Variants in TRIM37 observed in about 807,000 individuals in gnomAD.
The protein encoded by TRIM37 is tripartite motif containing 37.
TRIM37 carries 80 observed loss-of-function variants against 129.8 expected under a neutral mutation model. The ratio of observed to expected loss-of-function variants is 0.62; its 90% CI spans 0.51 to 0.74. TRIM37 has a LOEUF of 0.74. TRIM37 is among the 30% of genes least tolerant of loss of function. The pLI is 0.00. For missense variants in TRIM37, 1,054 were observed against 1,176.5 expected (o/e 0.90, Z 1.52); for synonymous variants, 389 against 387.1 (o/e 1.00, Z -0.06).
rs2036085123 is a variant in TRIM37, at chr17:59,017,409, CTCT to C, written c.2270_2272del (p.Lys757del). 1.8e-5 allele frequency: 29 copies of C among 1,613,948 alleles called. No individual in the cohort carries two copies. The highest frequency in any genetic ancestry group is 2.3e-5 in the Non-Finnish European group (27 of 1,179,968). ...GGATCGAGCTGGCTTGGGCGAATTA[CTCT>C]TCTTATTTGTGGCTGCAAAGACATT... On this transcript the variant is annotated inframe_deletion, in exon 20 of 24. Coordinates refer to ENST00000262294, the MANE Select transcript of TRIM37 (RefSeq NM_015294.6).
rs2046031979 is a variant in TRIM37, at chr17:59,106,678, G to A, written c.-217C>T. On this transcript the variant is annotated 5_prime_UTR_variant, in exon 1 of 24. Coordinates refer to ENST00000262294, the MANE Select transcript of TRIM37 (RefSeq NM_015294.6). ...TTTACCGGCGCGCCCGCCCCGAGGC[G>A]CAGAAGTAGGGCGAACGGTGGCCGC... 8.1e-6 allele frequency: 5 copies of A among 620,338 alleles called. No individual in the cohort carries two copies. The highest frequency in any genetic ancestry group is 2.8e-5 in the East Asian group (1 of 36,220). The allele number at this position is 620,338 out of a possible 1,614,324, so 38.4% of individuals were successfully genotyped here. A position where few individuals can be genotyped will look rare whatever the true frequency, so the allele number is the denominator to read the frequency against.
intron 13 of TRIM37, among the ~76,000 whole-genome samples, chr17:59,055,565 G>A (rs2040777376): frequency 6.6e-6 from 1 of 151,586 alleles, no homozygotes; most frequent in South Asian, 2.1e-4. Context: ...AGATGCAGTG[G>A]CAGGCACCTG....
At chr17:59,062,171 C>A (rs1231020577) in intron 11 of TRIM37, among the ~76,000 whole-genome samples, 1 of 152,058 alleles carries the variant, frequency 6.6e-6, no homozygotes, top group African/African-American at 2.4e-5. Context: ...TATCACCAAA[C>A]ATCTTTAAAG....
Position 59,017,420 on chromosome 17 carries a change from T to C in TRIM37, c.2262A>G (p.Thr754=), listed in dbSNP as rs187769000. 1.5e-4 allele frequency: 235 copies of C among 1,613,980 alleles called. No homozygotes were observed. The African/African-American group carries it at 2.3e-3, about 16-fold the overall frequency. ...GCTTGGGCGAATTACTCTTCTTATT[T>C]GTGGCTGCAAAGACATTTAAGAACA... The part of the protein sequence containing the change: ...SVANCYIRNS[T]NKKSNSPKPA... Residue 754 remains threonine, a synonymous_variant, in exon 20 of 24, where the codon ACA becomes ACG. Coordinates refer to ENST00000262294, the MANE Select transcript of TRIM37 (RefSeq NM_015294.6).
At chr17:59,057,576 G>A (rs1333426936) in intron 12 of TRIM37, among the ~76,000 whole-genome samples, 1 of 151,888 alleles carries the variant, frequency 6.6e-6, no homozygotes, top group East Asian at 1.9e-4. Context: ...CAGGCTAGAG[G>A]GCAGTGGCGG....
chr17:59,010,867 A>C (rs1336148277), intron 22 of TRIM37, among the ~76,000 whole-genome samples: 1 of 152,122 alleles, frequency 6.6e-6, no homozygotes, highest in Non-Finnish European at 1.5e-5. Flanking sequence ...GTATGGAGAC[A>C]CATAGAAAGT....
intron 23 of TRIM37, among the ~76,000 whole-genome samples, chr17:58,999,759 G>A (rs1232740826): frequency 6.6e-6 from 1 of 152,120 alleles, no homozygotes; most frequent in African/African-American, 2.4e-5. Context: ...CTTAAAAAGG[G>A]AACAAGAAGC....
At chr17:59,103,707 G>A (rs1321924877) in intron 2 of TRIM37, among the ~76,000 whole-genome samples, 1 of 150,526 alleles carries the variant, frequency 6.6e-6, no homozygotes. Context: ...GAGTGCAGTG[G>A]CGCTCTCTCG....
the TRIM37 span, chr17:58,972,071 C>T: frequency 6.7e-7 from 1 of 1,502,310 alleles, no homozygotes; most frequent in Non-Finnish European, 9.1e-7. Context: ...AATTGCTTCT[C>T]AATAAGAATG....
chr17:59,083,874 G>A (rs1023111194), intron 5 of TRIM37, 128 bp downstream of exon 5: 32 of 771,800 alleles, frequency 4.1e-5, no homozygotes, highest in Admixed American at 2.7e-4. Flanking sequence ...TTAATAAAGC[G>A]TATAGAAAGC....
chr17:59,044,237 G>A (rs568986442), intron 16 of TRIM37, among the ~76,000 whole-genome samples: 9 of 152,224 alleles, frequency 5.9e-5, no homozygotes, highest in East Asian at 3.9e-4. Context: ...AGCCCAGGAG[G>A]TCGAGGTTGC....
chr17:59,071,638 A>G (rs2042376515), intron 8 of TRIM37, among the ~76,000 whole-genome samples: 1 of 150,976 alleles, frequency 6.6e-6, no homozygotes, highest in Non-Finnish European at 1.5e-5. Context: ...GTGACAGAAT[A>G]CAAAACGTAC....
chr17:59,082,837 C>T (rs1203312126), intron 5 of TRIM37, among the ~76,000 whole-genome samples: 1 of 152,204 alleles, frequency 6.6e-6, no homozygotes, highest in Admixed American at 6.5e-5. Flanking sequence ...AACATTTCTA[C>T]TGTCTCTTAC....
chr17:58,981,539 A>C (rs1248973782), downstream of TRIM37: 1 of 152,980 alleles, frequency 6.5e-6, no homozygotes, highest in Non-Finnish European at 1.5e-5. Context: ...TGGGTAGGTA[A>C]AAGACTAAAA....
intron 9 of TRIM37, among the ~76,000 whole-genome samples, chr17:59,069,087 C>T (rs764049544): frequency 2.8e-4 from 43 of 152,258 alleles, no homozygotes; most frequent in Non-Finnish European, 5.6e-4. Context: ...TGGCTCACAC[C>T]TATAATCCCA....
Position 59,045,621 on chromosome 17 carries a change from A to G in TRIM37, c.1667+2062T>C, listed in dbSNP as rs568380392. Among the ~76,000 whole-genome samples, 12 of 150,766 alleles carry G rather than the reference A, an allele frequency of 8.0e-5. No homozygotes were observed. The East Asian group carries it at 1.8e-3, about 22-fold the overall frequency. Reference sequence around the variant, plus strand: ...GCCACTGCACTTAAGCCCGGGTGACAGTGCGAAACTCCGTCACAAAAAAAA... The same window carrying G: ...GCCACTGCACTTAAGCCCGGGTGACGGTGCGAAACTCCGTCACAAAAAAAA... On this transcript the variant is annotated intron_variant, in intron 16 of 23. Transcript: ENST00000262294.
intron 8 of TRIM37, among the ~76,000 whole-genome samples, chr17:59,071,308 CAG>C (rs2042342392): frequency 8.4e-6 from 1 of 118,860 alleles, no homozygotes; most frequent in South Asian, 2.8e-4. Flanking sequence ...TTTTTTGAGA[CAG>C]AGTCTTGCTC....
intron 16 of TRIM37, among the ~76,000 whole-genome samples, chr17:59,043,882 C>A (rs772219046): frequency 2.0e-5 from 3 of 152,214 alleles, no homozygotes; most frequent in Non-Finnish European, 4.4e-5. Context: ...TGGGGAGAAG[C>A]AGAGACACAT....
chr17:59,001,370 C>T (rs973450272), intron 23 of TRIM37, among the ~76,000 whole-genome samples: 4 of 150,680 alleles, frequency 2.7e-5, no homozygotes, highest in Admixed American at 6.6e-5. Context: ...TTAGGTGCAA[C>T]CAAGCCAAAT....
Sources: allele counts gnomAD v4.1 joint callset (sites outside exome capture counted in the v4.1 genomes callset), GRCh38; gene constraint gnomAD v4.1.1; transcripts MANE v1.5; gene names NCBI Gene and HGNC (gene_info 2026-07-23, HGNC 2026-07-21).